Variants in CLHC1 observed in about 807,000 individuals in gnomAD.
CLHC1 encodes the protein clathrin heavy chain linker domain-containing protein 1.
CLHC1 carries 72 observed loss-of-function variants against 69.5 expected under a neutral mutation model. The observed-to-expected ratio is 1.04, with a 90% CI of 0.86 to 1.26. The LOEUF (loss-of-function observed/expected upper bound fraction) is 1.26. CLHC1 is among the 50% of genes most tolerant of loss of function. The pLI is 0.00. For synonymous variants in CLHC1, 223 were observed against 224.3 expected (o/e 0.99, Z 0.05); for missense variants, 790 against 679.3 (o/e 1.16, Z -1.81).
At chr2:55,208,378 T>C (rs1672639912) in intron 8 of CLHC1, among the ~76,000 whole-genome samples, 2 of 152,212 alleles carry the variant, frequency 1.3e-5, no homozygotes, top group African/African-American at 4.8e-5. Context: ...TTTGTGTACA[T>C]ATTGATCTAT....
At position 55,208,633 on chromosome 2, in the gene CLHC1, T is replaced by C. The variant is rs933572219; in HGVS notation, c.892A>G (p.Ile298Val). 6 of 1,598,216 alleles carry C rather than the reference T, an allele frequency of 3.8e-6. No homozygotes were observed. The Admixed American group carries it at 1.0e-4, about 27-fold the overall frequency. ...AGCTTTTAAAATATTTGCCTTTCAATGTAGTGAAGCATAATTTCAGCTTCT... is the reference window on the plus strand; with the variant it reads ...AGCTTTTAAAATATTTGCCTTTCAACGTAGTGAAGCATAATTTCAGCTTCT... The part of the protein sequence containing the change: ...AKEAEIMLHY[I>V]ERFNELISLG... Residue 298 changes from isoleucine to valine, a missense_variant, in exon 8 of 13, where the codon ATT becomes GTT. Coordinates refer to ENST00000401408, the MANE Select transcript of CLHC1 (RefSeq NM_152385.4).
rs184135563 is a variant in CLHC1 at position 55,173,692 on chromosome 2, C to A, written c.*2098G>T. 5.8e-4 allele frequency among the ~76,000 whole-genome samples: 88 copies of A among 152,306 alleles called. No homozygotes were observed. The highest frequency in any genetic ancestry group is 2.0e-3 in the African/African-American group (84 of 41,580). ...GCCCTCTGTAGCTCACAACTCAATT[C>A]TTTCTCCTTCCTCATTTAACTTTGT... On this transcript the variant is annotated 3_prime_UTR_variant, in exon 13 of 13. Coordinates refer to ENST00000401408, the MANE Select transcript of CLHC1 (RefSeq NM_152385.4).
In CLHC1 at chr2:55,181,755, G is replaced by C; in HGVS notation, c.1007-11C>G. On this transcript the variant is annotated splice_polypyrimidine_tract_variant and intron_variant, in intron 9 of 12. Transcript: ENST00000401408. Reference sequence around the variant, plus strand: ...TAATTTTTCCAACAGCTACAGAAAGGAGAAAATTTTCTGAGTCAAATACTT... The same window carrying C: ...TAATTTTTCCAACAGCTACAGAAAGCAGAAAATTTTCTGAGTCAAATACTT... 6.2e-7 allele frequency: 1 copy of C among 1,604,564 alleles called. No individual in the cohort carries two copies. Among genetic ancestry groups the C allele is most frequent in the Non-Finnish European group, 8.5e-7 (1 of 1,176,582 alleles).
intron 9 of CLHC1, among the ~76,000 whole-genome samples, chr2:55,202,254 T>TG (rs1553350532): frequency 3.9e-4 from 45 of 114,850 alleles, no homozygotes; most frequent in Non-Finnish European, 7.9e-4. Context: ...ATCTTATATT[T>TG]GAAAAAAAAA....
chr2:55,216,869 C>T (rs1255522276), intron 4 of CLHC1, among the ~76,000 whole-genome samples: 5 of 152,028 alleles, frequency 3.3e-5, no homozygotes, highest in Non-Finnish European at 7.4e-5. Flanking sequence ...CTAAGAGGGC[C>T]AGGAGTGGTG....
intron 9 of CLHC1, among the ~76,000 whole-genome samples, chr2:55,201,782 C>T (rs936931403): frequency 6.6e-6 from 1 of 151,622 alleles, no homozygotes; most frequent in Non-Finnish European, 1.5e-5. Context: ...ACTAGCAAAC[C>T]CCAATAACAC....
At chr2:55,184,819 C>G (rs1024750522) in intron 9 of CLHC1, among the ~76,000 whole-genome samples, 2 of 151,570 alleles carry the variant, frequency 1.3e-5, no homozygotes, top group African/African-American at 4.9e-5. Flanking sequence ...GCAGGAGAAT[C>G]GCTTGAACCC....
intron 5 of CLHC1, 129 bp from the exon 6 acceptor site, chr2:55,209,960 C>T (rs184898900): frequency 3.4e-6 from 2 of 593,754 alleles, no homozygotes; most frequent in African/African-American, 3.8e-5. Context: ...GTACTTATAG[C>T]TTACTGAACA....
chr2:55,176,290 A>G (rs1222520335), intron 12 of CLHC1, among the ~76,000 whole-genome samples: 1 of 152,194 alleles, frequency 6.6e-6, no homozygotes, highest in Non-Finnish European at 1.5e-5. Flanking sequence ...GTTGAAGGCT[A>G]TAAGGCAGGA....
chr2:55,198,624 C>T (rs1210258458), intron 9 of CLHC1, among the ~76,000 whole-genome samples: 1 of 152,016 alleles, frequency 6.6e-6, no homozygotes, highest in African/African-American at 2.4e-5. Context: ...TACCAGAGAA[C>T]TTTCCAAACC....
At chr2:55,229,841 A>G (rs573640655) in intron 1 of CLHC1, among the ~76,000 whole-genome samples, 1 of 152,364 alleles carries the variant, frequency 6.6e-6, no homozygotes, top group African/African-American at 2.4e-5. Flanking sequence ...TGGGAGGCCA[A>G]GGCGGGCAGA....
At chr2:55,215,252 A>C (rs1007086773) in intron 4 of CLHC1, 1 of 152,238 alleles carries the variant, frequency 6.6e-6, no homozygotes, top group Non-Finnish European at 1.5e-5. Context: ...CAAAAGCATC[A>C]GAAAGTCAAA....
chr2:55,188,424 A>T (rs572853885), intron 9 of CLHC1, among the ~76,000 whole-genome samples: 2 of 152,220 alleles, frequency 1.3e-5, no homozygotes, highest in Admixed American at 1.3e-4. Context: ...CACAAGAATG[A>T]TAAACATTTA....
Position 55,180,656 on chromosome 2 carries a change from G to A in CLHC1, c.1238C>T (p.Thr413Ile), listed in dbSNP as rs76870665. 5,370 of 1,613,996 alleles carry A rather than the reference G, an allele frequency of 3.3e-3. 72 individuals are homozygous for A. In the East Asian group the frequency reaches 0.05, roughly 15 times the overall value. ...AGCCAGGCACTTGGCCTTGTTATAA[G>A]TATCCTGCTCCCCATAATCACAAAT... ...DVICDYGEQD[T>I]YNKAKCLALA... is the part of the protein sequence containing the mutation. Residue 413 changes from threonine (T) to isoleucine (I), a missense_variant, in exon 11 of 13, where the codon ACT (threonine) becomes ATT (isoleucine). Coordinates refer to ENST00000401408, the MANE Select transcript of CLHC1 (RefSeq NM_152385.4).
At chr2:55,219,468 C>A (rs576644063) in intron 3 of CLHC1, among the ~76,000 whole-genome samples, 1 of 152,322 alleles carries the variant, frequency 6.6e-6, no homozygotes, top group Admixed American at 6.5e-5. Context: ...GCTTCTCTTA[C>A]AAACTCTGAA....
At position 55,209,399 on chromosome 2, in the gene CLHC1, T is replaced by C; in HGVS notation, c.814+5A>G. 6.5e-7 allele frequency: 1 copy of C among 1,543,790 alleles called. No homozygotes were observed. Among genetic ancestry groups the C allele is most frequent in the Non-Finnish European group, 8.9e-7 (1 of 1,129,088 alleles). On this transcript the variant is annotated splice_donor_5th_base_variant and intron_variant, in intron 7 of 12. Transcript: ENST00000401408. ...GGTACTAATTTAAAAATATAGATAA[T>C]CTACCTTGTAAATATTTGGTTTTCT... is the stretch of plus-strand genomic sequence containing the variant.
At chr2:55,226,362 A>C (rs1573794859) in intron 2 of CLHC1, among the ~76,000 whole-genome samples, 1 of 152,208 alleles carries the variant, frequency 6.6e-6, no homozygotes, top group Non-Finnish European at 1.5e-5. Context: ...TAATTACAGA[A>C]GCATACTCCT....
chr2:55,181,345 T>C (rs942136643), intron 10 of CLHC1, among the ~76,000 whole-genome samples: 2 of 152,102 alleles, frequency 1.3e-5, no homozygotes, highest in Non-Finnish European at 2.9e-5. Flanking sequence ...GCCAAGATGG[T>C]CTTGAATTCC....
intron 5 of CLHC1, 38 bp from the exon 6 acceptor site, chr2:55,209,869 T>C (rs369160361): frequency 5.9e-6 from 8 of 1,352,070 alleles, no homozygotes; most frequent in Non-Finnish European, 8.4e-6. Context: ...CGACAAGCCA[T>C]GTGTGGGACG....
Sources: allele counts gnomAD v4.1 joint callset (sites outside exome capture counted in the v4.1 genomes callset), GRCh38; gene constraint gnomAD v4.1.1; transcripts MANE v1.5; gene names NCBI Gene and HGNC (gene_info 2026-07-23, HGNC 2026-07-21).